ADGRL3: variants seen among roughly 807,000 people sequenced by gnomAD.
The protein encoded by ADGRL3 is adhesion G protein-coupled receptor L3.
In ADGRL3, 62 loss-of-function variants were observed where a neutral mutation model predicts 153.5. The ratio of observed to expected loss-of-function variants is 0.40; its 90% CI spans 0.33 to 0.50. The LOEUF (loss-of-function observed/expected upper bound fraction) is 0.50, where lower values mean the gene tolerates loss of function less well. ADGRL3 is among the 20% of genes least tolerant of loss of function. The pLI, the probability that ADGRL3 is intolerant of heterozygous loss-of-function variation, is 0.47. For synonymous variants in ADGRL3, 710 were observed against 672.5 expected, an observed-to-expected ratio of 1.06 and a Z score of -0.86; for missense variants, 1,641 against 1,859.4, an observed-to-expected ratio of 0.88 and a Z score of 2.16.
At chr4:61,806,966 C>T (rs1244181186) in intron 8 of ADGRL3, among the ~76,000 whole-genome samples, 2 of 152,024 alleles carry the variant, frequency 1.3e-5, no homozygotes, top group East Asian at 1.9e-4. Flanking sequence ...TTTTACTTCT[C>T]AGATATCAAT....
intron 21 of ADGRL3, among the ~76,000 whole-genome samples, chr4:62,010,736 T>A (rs1002242055): frequency 1.3e-5 from 2 of 152,098 alleles, no homozygotes; most frequent in African/African-American, 4.8e-5. Flanking sequence ...TTTATCTGTC[T>A]TCAAATTCTT....
At chr4:62,018,034 G>T (rs2099221177) in intron 21 of ADGRL3, among the ~76,000 whole-genome samples, 1 of 152,112 alleles carries the variant, frequency 6.6e-6, no homozygotes, top group South Asian at 2.1e-4. Flanking sequence ...TGGCACTTAA[G>T]ATGAGAGATT....
intron 1 of ADGRL3, among the ~76,000 whole-genome samples, chr4:61,259,834 A>T (rs2092366067): frequency 6.6e-6 from 1 of 152,182 alleles, no homozygotes; most frequent in African/African-American, 2.4e-5. Flanking sequence ...GTGCAGACTC[A>T]AATAGGTTAC....
At chr4:61,924,943 C>G (rs1560382810) in intron 13 of ADGRL3, among the ~76,000 whole-genome samples, 1 of 152,114 alleles carries the variant, frequency 6.6e-6, no homozygotes, top group East Asian at 1.9e-4. Flanking sequence ...ATGTTCAGTT[C>G]TAAGATCATT....
intron 21 of ADGRL3, among the ~76,000 whole-genome samples, chr4:62,003,743 A>G (rs1386843815): frequency 6.6e-6 from 1 of 152,122 alleles, no homozygotes; most frequent in Non-Finnish European, 1.5e-5. Flanking sequence ...TTTGTTTACC[A>G]TATGGTATCA....
chr4:61,426,337 C>T (rs1341619223), intron 2 of ADGRL3, among the ~76,000 whole-genome samples: 4 of 152,204 alleles, frequency 2.6e-5, no homozygotes, highest in Non-Finnish European at 5.9e-5. Flanking sequence ...ACTTTGTCCA[C>T]ACCTGATAAC....
chr4:61,790,429 T>A (rs73823238), intron 8 of ADGRL3, among the ~76,000 whole-genome samples: 7,980 of 152,238 alleles, frequency 0.052, 581 homozygotes, highest in African/African-American at 0.16. Context: ...AAAGCTTATA[T>A]GCATGCTTTT....
chr4:61,613,715 G>A (rs778524129), intron 5 of ADGRL3, among the ~76,000 whole-genome samples: 11 of 152,200 alleles, frequency 7.2e-5, no homozygotes, highest in Non-Finnish European at 1.3e-4. Context: ...CTGCACTCCA[G>A]CCTGGGTGAC....
chr4:61,603,344 A>G (rs926050367), intron 5 of ADGRL3, among the ~76,000 whole-genome samples: 2 of 152,200 alleles, frequency 1.3e-5, no homozygotes, highest in Non-Finnish European at 2.9e-5. Context: ...CTCTTAGGGA[A>G]GGGTTTCACT....
chr4:61,827,075 T>A (rs2097813460), intron 9 of ADGRL3, among the ~76,000 whole-genome samples: 2 of 152,194 alleles, frequency 1.3e-5, no homozygotes. Flanking sequence ...GAAACAGGCA[T>A]ATTCGAATTG....
At chr4:61,422,803 A>G (rs1268342651) in intron 2 of ADGRL3, among the ~76,000 whole-genome samples, 2 of 148,980 alleles carry the variant, frequency 1.3e-5, no homozygotes, top group East Asian at 3.9e-4. Context: ...ATATATATAA[A>G]TAGATAAAAA....
intron 2 of ADGRL3, among the ~76,000 whole-genome samples, chr4:61,443,717 A>C (rs915554715): frequency 3.9e-5 from 6 of 152,160 alleles, no homozygotes; most frequent in African/African-American, 1.2e-4. Flanking sequence ...TCACTGAAAA[A>C]TCACTCATCA....
intron 1 of ADGRL3, among the ~76,000 whole-genome samples, chr4:61,286,699 TA>T (rs1160394189): frequency 2.0e-5 from 3 of 151,702 alleles, no homozygotes; most frequent in Non-Finnish European, 4.4e-5. Flanking sequence ...TGGATAGTTG[TA>T]AATTCTTATG....
At chr4:61,544,288 T>A (rs1025313255) in intron 4 of ADGRL3, among the ~76,000 whole-genome samples, 1 of 152,214 alleles carries the variant, frequency 6.6e-6, no homozygotes, top group African/African-American at 2.4e-5. Context: ...CATTAGGTGG[T>A]ATCTCATTGT....
intron 1 of ADGRL3, among the ~76,000 whole-genome samples, chr4:61,315,898 A>T (rs541790646): frequency 3.3e-5 from 5 of 152,284 alleles, no homozygotes; most frequent in African/African-American, 1.2e-4. Flanking sequence ...TCATGTAAAA[A>T]TACAGTTCAG....
chr4:61,371,802 C>T (rs1336401940), intron 1 of ADGRL3, among the ~76,000 whole-genome samples: 2 of 152,088 alleles, frequency 1.3e-5, no homozygotes, highest in Admixed American at 1.3e-4. Flanking sequence ...GGGAAATTCT[C>T]CTGGATAATA....
chr4:61,744,758 A>G (rs1357148302), intron 8 of ADGRL3, among the ~76,000 whole-genome samples: 2 of 152,150 alleles, frequency 1.3e-5, no homozygotes, highest in Admixed American at 6.5e-5. Flanking sequence ...AACCACAAAG[A>G]TGGGGAAAAA....
intron 2 of ADGRL3, among the ~76,000 whole-genome samples, chr4:61,383,393 G>C (rs927093124): frequency 6.6e-6 from 1 of 151,436 alleles, no homozygotes; most frequent in Non-Finnish European, 1.5e-5. Context: ...CATATTTCTT[G>C]TGAACAAATT....
At chr4:61,218,395 C>T (rs370675447) in intron 1 of ADGRL3, among the ~76,000 whole-genome samples, 2 of 152,164 alleles carry the variant, frequency 1.3e-5, no homozygotes, top group East Asian at 1.9e-4. Context: ...ACTGCAGCCT[C>T]GACCTCCTAA....
Sources: gnomAD v4.1 joint callset for allele counts (sites outside exome capture counted in the v4.1 genomes callset) on GRCh38, gnomAD v4.1.1 for gene constraint, MANE v1.5 for transcripts, NCBI Gene and HGNC (gene_info 2026-07-23, HGNC 2026-07-21) for gene names.